The following EVL variants were observed in gnomAD, a reference collection of about 807,000 sequenced individuals.
EVL encodes the protein Enah/Vasp-like, also known as ena/VASP-like protein.
Under a neutral mutation model 59.6 loss-of-function variants are expected in EVL, and 21 were observed. That is an observed-to-expected ratio of 0.35 (90% confidence interval 0.25 to 0.51). The LOEUF is 0.51. Ranked by LOEUF, EVL falls within the 20% of genes least tolerant of loss-of-function variation. The pLI, the probability that EVL is intolerant of heterozygous loss-of-function variation, is 0.97. For missense variants in EVL, 462 were observed against 546.6 expected, an observed-to-expected ratio of 0.85 and a Z score of 1.54; for synonymous variants, 198 against 203.5, an observed-to-expected ratio of 0.97 and a Z score of 0.23.
chr14:100,042,139 T>G (rs2061476954), intron 1 of EVL, among the ~76,000 whole-genome samples: 1 of 152,258 alleles, frequency 6.6e-6, no homozygotes, highest in Non-Finnish European at 1.5e-5. Flanking sequence ...AAATTATTAA[T>G]TAACTATATT....
At chr14:100,106,081 A>G (rs1886549080) in intron 3 of EVL, 1 of 152,240 alleles carries the variant, frequency 6.6e-6, no homozygotes, top group African/African-American at 2.4e-5. Context: ...AGCTCTCACC[A>G]GAGACAAAGT....
intron 1 of EVL, among the ~76,000 whole-genome samples, chr14:99,997,373 C>A (rs1196393284): frequency 6.6e-6 from 1 of 152,242 alleles, no homozygotes; most frequent in African/African-American, 2.4e-5. Context: ...AGGGAGGCAA[C>A]CATCCTGTAC....
chr14:100,125,147 CACA>C (rs1566718436), intron 4 of EVL, among the ~76,000 whole-genome samples: 10 of 142,722 alleles, frequency 7.0e-5, no homozygotes, highest in Middle Eastern at 3.4e-3. Context: ...CACACACACA[CACA>C]CCTGCCCCAA....
intron 8 of EVL, chr14:100,134,550 A>C (rs1888646989): frequency 1.3e-5 from 2 of 152,088 alleles, no homozygotes; most frequent in Non-Finnish European, 2.9e-5. Context: ...CAGGGCCTTC[A>C]GAAGATCCAC....
intron 1 of EVL, among the ~76,000 whole-genome samples, chr14:99,973,342 T>C (rs911427391): frequency 6.6e-6 from 1 of 152,260 alleles, no homozygotes; most frequent in Non-Finnish European, 1.5e-5. Context: ...TGAAATGATA[T>C]CCCATTGTGG....
rs568869177 is a variant in EVL at position 100,073,528 on chromosome 14, C to G, written c.11+8017C>G. On this transcript the variant is annotated intron_variant, in intron 1 of 13. Transcript: ENST00000392920. ...GTGTAGAGACAGGATCTGTGTTGCC[C>G]AGGCTGGTCTCGAACTCCTGGGCTC... 2.5e-3 allele frequency among the ~76,000 whole-genome samples: 384 copies of G among 152,180 alleles called. 2 individuals are homozygous for G. The highest frequency in any genetic ancestry group is 9.2e-3 in the African/African-American group (383 of 41,520).
upstream of EVL, among the ~76,000 whole-genome samples, chr14:100,061,439 T>TAAA (rs2061830692): frequency 7.1e-5 from 1 of 14,110 alleles, no homozygotes. Context: ...AAAGAAATGC[T>TAAA]AAAGGAAGTT....
chr14:100,048,668 G>A (rs1424471762), intron 1 of EVL, among the ~76,000 whole-genome samples: 1 of 152,152 alleles, frequency 6.6e-6, no homozygotes, highest in Non-Finnish European at 1.5e-5. Flanking sequence ...GCCAAAAACT[G>A]TGAACAGCCC....
chr14:100,084,880 A>G (rs1489115837), intron 2 of EVL, 25 bp downstream of exon 2: 1 of 1,611,976 alleles, frequency 6.2e-7, no homozygotes, highest in East Asian at 2.2e-5. Context: ...TACAGATTAT[A>G]CCCGTGAGCC....
intron 7 of EVL, among the ~76,000 whole-genome samples, chr14:100,132,299 G>A (rs1360204212): frequency 2.6e-5 from 4 of 151,102 alleles, no homozygotes; most frequent in South Asian, 2.1e-4. Context: ...GCCTTAGAGT[G>A]ACACAAGAAA....
chr14:100,038,771 G>GTGTGTGTGTGT, intron 1 of EVL, among the ~76,000 whole-genome samples: 1 of 141,004 alleles, frequency 7.1e-6, no homozygotes, highest in African/African-American at 2.6e-5. Context: ...TGTGCCCTGG[G>GTGTGTGTGTGT]GTGTGTGTGT....
chr14:100,020,409 G>C (rs1345136135), intron 1 of EVL, among the ~76,000 whole-genome samples: 4 of 151,978 alleles, frequency 2.6e-5, no homozygotes, highest in Non-Finnish European at 5.9e-5. Flanking sequence ...GAATGGGAGG[G>C]TCATCAGATT....
chr14:99,992,908 A>G (rs1051159844), intron 1 of EVL, among the ~76,000 whole-genome samples: 1 of 152,090 alleles, frequency 6.6e-6, no homozygotes, highest in African/African-American at 2.4e-5. Flanking sequence ...TTTTGTTATC[A>G]TGAAAGGGTG....
intron 3 of EVL, chr14:100,097,878 A>C: frequency 2.1e-6 from 1 of 470,828 alleles, no homozygotes; most frequent in Non-Finnish European, 3.7e-6. Flanking sequence ...CTTGTGAGAT[A>C]TAGATTTGTA....
At chr14:100,096,880 G>C in intron 2 of EVL, 1 of 152,168 alleles carries the variant, frequency 6.6e-6, no homozygotes, top group East Asian at 1.9e-4. Flanking sequence ...AATAAGATAT[G>C]AATAATGCTG....
upstream of EVL, chr14:100,065,417 G>C (rs202213976): frequency 7.1e-4 from 928 of 1,303,934 alleles, 22 homozygotes; most frequent in South Asian, 0.023. Flanking sequence ...GTCTTCAGAG[G>C]GTCTGTGGTC....
intron 4 of EVL, among the ~76,000 whole-genome samples, chr14:100,124,512 C>A (rs1307580361): frequency 6.6e-6 from 1 of 152,190 alleles, no homozygotes; most frequent in African/African-American, 2.4e-5. Flanking sequence ...CCTGTCTCAC[C>A]CACTCACCCT....
intron 3 of EVL, chr14:100,107,123 G>A (rs1453164989): frequency 1.3e-5 from 5 of 398,716 alleles, no homozygotes; most frequent in African/African-American, 1.0e-4. Flanking sequence ...GTGGCCTTCA[G>A]GGCCGTGCCC....
intron 2 of EVL, 177 bp downstream of exon 2, chr14:100,085,032 G>A (rs1245552299): frequency 3.3e-6 from 2 of 601,056 alleles, no homozygotes; most frequent in Non-Finnish European, 5.6e-6. Context: ...GACACCTTAA[G>A]CACACTGTTT....
Sources: allele counts gnomAD v4.1 joint callset (sites outside exome capture counted in the v4.1 genomes callset), GRCh38; gene constraint gnomAD v4.1.1; transcripts MANE v1.5; gene names NCBI Gene and HGNC (gene_info 2026-07-23, HGNC 2026-07-21).